PRKN: variants seen among roughly 807,000 people sequenced by gnomAD.
The protein encoded by PRKN is E3 ubiquitin-protein ligase parkin.
Under a neutral mutation model 59.5 loss-of-function variants are expected in PRKN, and 56 were observed. The ratio of observed to expected loss-of-function variants is 0.94; its 90% CI spans 0.76 to 1.18. The LOEUF (loss-of-function observed/expected upper bound fraction) is 1.18. Ranked by LOEUF, PRKN falls within the 50% of genes most tolerant of loss-of-function variation. The pLI is 0.00. For synonymous variants in PRKN, 250 were observed against 222.1 expected, an observed-to-expected ratio of 1.13 and a Z score of -1.12; for missense variants, 657 against 596.4, an observed-to-expected ratio of 1.10 and a Z score of -1.06.
chr6:162,339,555 G>T (rs1160574834), intron 2 of PRKN, among the ~76,000 whole-genome samples: 2 of 149,344 alleles, frequency 1.3e-5, no homozygotes, highest in African/African-American at 4.9e-5. Flanking sequence ...CCCCGTCCGG[G>T]AGGTGAGGGG....
intron 1 of PRKN, among the ~76,000 whole-genome samples, chr6:162,681,809 G>C (rs1023809363): frequency 6.6e-6 from 1 of 152,076 alleles, no homozygotes; most frequent in Non-Finnish European, 1.5e-5. Context: ...TTGGACCCAA[G>C]AATATTCTCT....
chr6:162,186,788 A>C (rs1386481390), intron 4 of PRKN, among the ~76,000 whole-genome samples: 1 of 152,134 alleles, frequency 6.6e-6, no homozygotes, highest in African/African-American at 2.4e-5. Flanking sequence ...GACAGGTAAA[A>C]CATCTCACAT....
intron 1 of PRKN, among the ~76,000 whole-genome samples, chr6:162,599,516 AC>A (rs1781617907): frequency 1.3e-5 from 2 of 152,088 alleles, no homozygotes; most frequent in Non-Finnish European, 2.9e-5. Context: ...AACAACAACA[AC>A]AACAAAAAGC....
chr6:161,823,567 C>T (rs1423131434), intron 6 of PRKN, among the ~76,000 whole-genome samples: 2 of 152,138 alleles, frequency 1.3e-5, no homozygotes, highest in Admixed American at 1.3e-4. Context: ...AGAAACCTAA[C>T]TTCTTGCTTC....
intron 2 of PRKN, among the ~76,000 whole-genome samples, chr6:162,434,605 T>G (rs1375125127): frequency 3.9e-5 from 6 of 152,284 alleles, no homozygotes; most frequent in Admixed American, 3.3e-4. Context: ...AAGTTATACT[T>G]TAACATAAAC....
chr6:161,467,557 G>A lies in PRKN; in HGVS notation c.1084-80680C>T, dbSNP rs1790541767. Among the ~76,000 whole-genome samples the A allele has an allele frequency of 6.6e-6, 1 of 152,188 alleles. No individual in the cohort carries two copies. The highest frequency in any genetic ancestry group is 6.5e-5 in the Admixed American group (1 of 15,282). On this transcript the variant is annotated intron_variant, in intron 9 of 11. Coordinates refer to ENST00000366898, the MANE Select transcript of PRKN (RefSeq NM_004562.3). This position sits in a 1 kb window ranked among gnomAD's most constrained non-coding sequence, Gnocchi z 4.3. Reference sequence around the variant, plus strand: ...CTGTTGTATAACAGAGAAACATGCAGATTGCTATGGGAATGCAGGTTGAGA... The same window carrying A: ...CTGTTGTATAACAGAGAAACATGCAAATTGCTATGGGAATGCAGGTTGAGA...
chr6:161,358,349 C>T (rs1481278817), intron 11 of PRKN, among the ~76,000 whole-genome samples: 1 of 140,960 alleles, frequency 7.1e-6, no homozygotes, highest in Non-Finnish European at 1.5e-5. Context: ...GTGGCTCACA[C>T]CCGTAATCCC....
rs1779945633 is a variant in PRKN at position 161,550,131 on chromosome 6, A to G, written c.934-1128T>C. Among the ~76,000 whole-genome samples the G allele has an allele frequency of 6.6e-6, 1 of 152,200 alleles. No homozygotes were observed. The highest frequency in any genetic ancestry group is 2.4e-5 in the African/African-American group (1 of 41,456). On this transcript the variant is annotated intron_variant, in intron 8 of 11. Transcript: ENST00000366898. The surrounding 1 kb of genome is among the most constrained non-coding windows in gnomAD (Gnocchi z 4.0). Reference sequence around the variant, plus strand: ...GCATTCCAGACAAGCAGAGAATACTATAAGGGGCCAGAGCCCCAGTGTGCT... The same window carrying G: ...GCATTCCAGACAAGCAGAGAATACTGTAAGGGGCCAGAGCCCCAGTGTGCT...
intron 7 of PRKN, among the ~76,000 whole-genome samples, chr6:161,764,063 T>G (rs1789320492): frequency 6.6e-6 from 1 of 152,176 alleles, no homozygotes; most frequent in South Asian, 2.1e-4. Context: ...CCCTGCCCAT[T>G]TGCTGGTCTC....
intron 7 of PRKN, among the ~76,000 whole-genome samples, chr6:161,587,706 T>G (rs1316717081): frequency 2.6e-5 from 4 of 152,130 alleles, no homozygotes; most frequent in Admixed American, 6.5e-5. Context: ...ACGAGTAAGT[T>G]CTTTAGTGGT....
intron 1 of PRKN, among the ~76,000 whole-genome samples, chr6:162,692,302 TAAAGA>T (rs1777804643): frequency 6.6e-6 from 1 of 152,144 alleles, no homozygotes; most frequent in Non-Finnish European, 1.5e-5. Context: ...ACACACATTC[TAAAGA>T]AAAGAAAAGA....
chr6:161,455,795 G>A (rs535730130), intron 9 of PRKN, among the ~76,000 whole-genome samples: 69 of 151,334 alleles, frequency 4.6e-4, no homozygotes, highest in African/African-American at 1.5e-3. Context: ...CCCGGGAGGC[G>A]GAGGTTGTGG....
chr6:162,676,123 A>C (rs2128231420), intron 1 of PRKN, among the ~76,000 whole-genome samples: 1 of 152,318 alleles, frequency 6.6e-6, no homozygotes, highest in African/African-American at 2.4e-5. Flanking sequence ...GACACTAGTA[A>C]CAGAAATACA....
intron 9 of PRKN, among the ~76,000 whole-genome samples, chr6:161,439,357 A>AGG (rs1789081603): frequency 6.6e-6 from 1 of 152,248 alleles, no homozygotes; most frequent in African/African-American, 2.4e-5. Flanking sequence ...TAGCAGGCAC[A>AGG]GGGTAATCAG....
chr6:162,496,615 T>C (rs1893110), intron 1 of PRKN, among the ~76,000 whole-genome samples: 47,794 of 151,894 alleles, frequency 0.31, 7,765 homozygotes, highest in East Asian at 0.47. Flanking sequence ...AGGAAAGGCT[T>C]ATACACATGC....
At chr6:162,435,620 C>T (rs1468526569) in intron 2 of PRKN, among the ~76,000 whole-genome samples, 2 of 152,150 alleles carry the variant, frequency 1.3e-5, no homozygotes, top group African/African-American at 4.8e-5. Flanking sequence ...CACGTAGCAA[C>T]ACTTACTAGT....
rs1016226876 is a variant in PRKN at position 162,327,128 on chromosome 6, T to G, written c.172-64363A>C. ...GAAATACCGCCCTTCCAATCTAACCTTCATATGCTTTCGTTTTCTTCCTTT... is the reference window on the plus strand; with the variant it reads ...GAAATACCGCCCTTCCAATCTAACCGTCATATGCTTTCGTTTTCTTCCTTT... On this transcript the variant is annotated intron_variant, in intron 2 of 11. Transcript: ENST00000366898. Among the ~76,000 whole-genome samples the G allele has an allele frequency of 3.9e-5, 6 of 152,314 alleles. No individual in the cohort carries two copies. The South Asian group carries it at 1.2e-3, about 32-fold the overall frequency.
chr6:162,703,649 AC>A (rs1241381427), intron 1 of PRKN, among the ~76,000 whole-genome samples: 2 of 152,178 alleles, frequency 1.3e-5, no homozygotes, highest in Non-Finnish European at 2.9e-5. Flanking sequence ...AGTAGATCAT[AC>A]TATCCCCATT....
chr6:161,583,615 A>T (rs760672476), intron 7 of PRKN, among the ~76,000 whole-genome samples: 20 of 152,232 alleles, frequency 1.3e-4, no homozygotes, highest in Admixed American at 2.6e-4. Context: ...TTTACCACCC[A>T]GAGACAGTCA....
Sources: gnomAD v4.1 joint callset for allele counts (sites outside exome capture counted in the v4.1 genomes callset) on GRCh38, gnomAD v4.1.1 for gene constraint, Gnocchi (gnomAD v3.1) non-coding constraint, MANE v1.5 for transcripts, NCBI Gene and HGNC (gene_info 2026-07-23, HGNC 2026-07-21) for gene names.